PTGER3: variants seen among roughly 807,000 people sequenced by gnomAD.
PTGER3 encodes prostaglandin E2 receptor EP3 subtype.
Under a neutral mutation model 34.7 loss-of-function variants are expected in PTGER3, and 22 were observed. The observed-to-expected ratio is 0.63, with a 90% CI of 0.45 to 0.91. The LOEUF (loss-of-function observed/expected upper bound fraction) is 0.91, where lower values mean the gene tolerates loss of function less well. Ranked by LOEUF, PTGER3 falls within the 40% of genes least tolerant of loss-of-function variation. The pLI is 0.00. For missense variants in PTGER3, 468 were observed against 519.4 expected, an observed-to-expected ratio of 0.90 and a Z score of 0.96; for synonymous variants, 241 against 230.1, an observed-to-expected ratio of 1.05 and a Z score of -0.43.
chr1:70,898,072 T>C (rs780455451), intron 4 of PTGER3, among the ~76,000 whole-genome samples: 6 of 152,142 alleles, frequency 3.9e-5, no homozygotes, highest in Non-Finnish European at 8.8e-5. Flanking sequence ...TTTACCTTAA[T>C]AGTGTGTATT....
At chr1:70,861,389 A>G (rs1645923704) in intron 4 of PTGER3, among the ~76,000 whole-genome samples, 1 of 152,230 alleles carries the variant, frequency 6.6e-6, no homozygotes, top group East Asian at 1.9e-4. Flanking sequence ...TCAAAGTTTA[A>G]TAATCAGCAC....
At chr1:70,869,335 C>A (rs554898322) in intron 4 of PTGER3, 4 of 467,714 alleles carry the variant, frequency 8.6e-6, no homozygotes, top group Non-Finnish European at 1.8e-5. Flanking sequence ...TTGGGGAATA[C>A]AATTCAACAT....
At chr1:71,007,089 T>C (rs1374554420) in intron 2 of PTGER3, 2 of 984,720 alleles carry the variant, frequency 2.0e-6, no homozygotes, top group East Asian at 2.3e-4. Context: ...ATAGAGGTGA[T>C]AAAAGAGACT....
chr1:70,961,762 A>G (rs536035295), intron 2 of PTGER3, among the ~76,000 whole-genome samples: 7 of 152,316 alleles, frequency 4.6e-5, no homozygotes, highest in Admixed American at 4.6e-4. Flanking sequence ...TTGCAGAGGA[A>G]ATCCCATTGG....
intron 2 of PTGER3, among the ~76,000 whole-genome samples, chr1:70,990,395 A>G (rs898692751): frequency 6.7e-6 from 1 of 148,570 alleles, no homozygotes; most frequent in African/African-American, 2.5e-5. Flanking sequence ...ACATATATAT[A>G]TATATAAAAT....
chr1:71,000,190 T>C (rs1043329723), intron 2 of PTGER3, among the ~76,000 whole-genome samples: 4 of 152,212 alleles, frequency 2.6e-5, no homozygotes, highest in Non-Finnish European at 5.9e-5. Flanking sequence ...TATTTGCTCA[T>C]GGATAACACA....
rs372095552 is a variant in PTGER3, at chr1:71,007,934, A to G, written c.1077+4371T>C. On this transcript the variant is annotated intron_variant, in intron 2 of 3. Transcript: ENST00000306666. ...GCATGAAAAGGCTGACTTGTTTCTG[A>G]TGGTGATCTCTTTCCTTCTTATCTT... 1.0e-5 allele frequency: 10 copies of G among 985,252 alleles called. No individual in the cohort carries two copies. The East Asian group carries it at 3.4e-4, about 34-fold the overall frequency. 61.0% of individuals were successfully genotyped at this position (985,252 alleles called of 1,614,324 possible). A position where few individuals can be genotyped will look rare whatever the true frequency, so the allele number is the denominator to read the frequency against.
At chr1:70,959,941 T>C (rs1651754375) in intron 2 of PTGER3, among the ~76,000 whole-genome samples, 1 of 152,108 alleles carries the variant, frequency 6.6e-6, no homozygotes, top group Admixed American at 6.6e-5. Flanking sequence ...GTAGATAGAA[T>C]TAGTTAAGAT....
chr1:70,921,735 G>T (rs1412620583), intron 4 of PTGER3, among the ~76,000 whole-genome samples: 1 of 152,120 alleles, frequency 6.6e-6, no homozygotes, highest in Admixed American at 6.6e-5. Flanking sequence ...CTTGTAACCA[G>T]GTGGCAGTAC....
At chr1:70,870,074 T>C (rs1018381955) in intron 4 of PTGER3, among the ~76,000 whole-genome samples, 4 of 152,184 alleles carry the variant, frequency 2.6e-5, no homozygotes, top group Non-Finnish European at 5.9e-5. Flanking sequence ...ATCCAGGCTT[T>C]TCTACATGTT....
intron 2 of PTGER3, among the ~76,000 whole-genome samples, chr1:70,956,061 G>A (rs1007706230): frequency 6.6e-6 from 1 of 152,170 alleles, no homozygotes; most frequent in Non-Finnish European, 1.5e-5. Context: ...ATGAGAAAGA[G>A]TTAATTTTTT....
chr1:71,023,892 C>T (rs564785980), intron 1 of PTGER3, among the ~76,000 whole-genome samples: 2 of 151,916 alleles, frequency 1.3e-5, no homozygotes, highest in South Asian at 2.1e-4. Flanking sequence ...AGGTCTCCAT[C>T]GTCTCTTGTC....
chr1:70,952,794 G>C, exon 4 of PTGER3: 1 of 1,362,524 alleles, frequency 7.3e-7, no homozygotes, highest in Non-Finnish European at 9.5e-7. Flanking sequence ...CCACCTTTCC[G>C]AGTCAATCAA....
intron 4 of PTGER3, among the ~76,000 whole-genome samples, chr1:70,901,094 G>T (rs1022081112): frequency 1.3e-5 from 2 of 152,174 alleles, no homozygotes; most frequent in Admixed American, 6.5e-5. Context: ...AAACCCCTTA[G>T]TCTCCTGGCT....
intron 4 of PTGER3, among the ~76,000 whole-genome samples, chr1:70,858,821 A>C (rs937639541): frequency 1.3e-5 from 2 of 152,194 alleles, no homozygotes; most frequent in Non-Finnish European, 2.9e-5. Flanking sequence ...CAACTACCTC[A>C]CAGAGTTATT....
At chr1:70,953,866 T>A in intron 2 of PTGER3, 1 of 621,620 alleles carries the variant, frequency 1.6e-6, no homozygotes, top group Non-Finnish European at 2.6e-6. Context: ...AAACCACAGA[T>A]GATGTTCAAT....
chr1:70,901,125 T>C (rs1365297724), intron 4 of PTGER3, among the ~76,000 whole-genome samples: 1 of 152,230 alleles, frequency 6.6e-6, no homozygotes, highest in East Asian at 1.9e-4. Flanking sequence ...GATCTCATTC[T>C]GAGTTTAGAG....
intron 4 of PTGER3, among the ~76,000 whole-genome samples, chr1:70,911,805 C>T (rs1052863359): frequency 3.3e-5 from 5 of 152,122 alleles, no homozygotes; most frequent in African/African-American, 9.7e-5. Flanking sequence ...TTGAACTCCA[C>T]AATGAACAAA....
intron 4 of PTGER3, among the ~76,000 whole-genome samples, chr1:70,928,834 A>G (rs1648394920): frequency 6.6e-6 from 1 of 151,772 alleles, no homozygotes; most frequent in African/African-American, 2.4e-5. Flanking sequence ...ACATTGCTTC[A>G]TTAGCCTGTT....
Sources: allele counts gnomAD v4.1 joint callset (sites outside exome capture counted in the v4.1 genomes callset), GRCh38; gene constraint gnomAD v4.1.1; transcripts MANE v1.5; gene names NCBI Gene and HGNC (gene_info 2026-07-23, HGNC 2026-07-21).